Variants in AUTS2 observed in about 807,000 individuals in gnomAD.
AUTS2 encodes the protein autism susceptibility gene 2 protein.
Under a neutral mutation model 112.4 loss-of-function variants are expected in AUTS2, and 17 were observed. The observed-to-expected ratio is 0.15, with a 90% CI of 0.10 to 0.23. The LOEUF (loss-of-function observed/expected upper bound fraction) is 0.23. Ranked by LOEUF, AUTS2 falls within the 10% of genes least tolerant of loss-of-function variation. AUTS2 has a pLI of 1.00. For synonymous variants in AUTS2, 751 were observed against 702.7 expected (o/e 1.07, Z -1.09); for missense variants, 1,510 against 1,701.6 (o/e 0.89, Z 1.98).
At position 70,746,373 on chromosome 7, in the gene AUTS2, G is replaced by A. The variant is rs141394019; in HGVS notation, c.743-16497G>A. ...GTTGGTCAGACTGATCTCGAACTCC[G>A]GACCTCAGGTGATCCGCCCACCTCG... On this transcript the variant is annotated intron_variant, in intron 6 of 18. Transcript: ENST00000342771. Among the ~76,000 whole-genome samples the A allele has an allele frequency of 9.3e-3, 1,417 of 152,154 alleles. 63 individuals carry two copies. The East Asian group carries it at 0.13, about 14-fold the overall frequency.
At chr7:70,742,287 T>C (rs1341941941) in intron 6 of AUTS2, among the ~76,000 whole-genome samples, 1 of 152,106 alleles carries the variant, frequency 6.6e-6, no homozygotes, top group Admixed American at 6.5e-5. Context: ...TTTTCCAAAG[T>C]CTCCCCCCGC....
At chr7:70,366,247 A>G (rs1733159042) in intron 4 of AUTS2, among the ~76,000 whole-genome samples, 1 of 152,190 alleles carries the variant, frequency 6.6e-6, no homozygotes, top group Non-Finnish European at 1.5e-5. Context: ...CAGATCCATA[A>G]GCAAATAACA....
intron 3 of AUTS2, among the ~76,000 whole-genome samples, chr7:70,129,474 C>G (rs906638011): frequency 2.0e-5 from 3 of 152,202 alleles, no homozygotes; most frequent in Admixed American, 6.5e-5. Context: ...GACCAAATAT[C>G]TGGGCACCCC....
At chr7:70,649,629 A>G (rs1437006844) in intron 5 of AUTS2, among the ~76,000 whole-genome samples, 2 of 151,954 alleles carry the variant, frequency 1.3e-5, no homozygotes, top group Non-Finnish European at 2.9e-5. Flanking sequence ...CCTGGGTTCA[A>G]ACGATTTTCT....
chr7:70,120,993 A>G (rs909555574), intron 3 of AUTS2, among the ~76,000 whole-genome samples: 1 of 152,202 alleles, frequency 6.6e-6, no homozygotes, highest in Non-Finnish European at 1.5e-5. Context: ...CTGGCCTAAT[A>G]TTAGACATAC....
chr7:70,741,736 A>G (rs74364219), intron 6 of AUTS2, among the ~76,000 whole-genome samples: 1,730 of 152,164 alleles, frequency 0.011, 25 homozygotes, highest in African/African-American at 0.039. Context: ...TACAATAAAT[A>G]TGGCATCTAC....
In AUTS2 at chr7:70,766,574, T is replaced by C. The variant is rs934511799; in HGVS notation, c.1689+240T>C. 6.6e-6 allele frequency among the ~76,000 whole-genome samples: 1 copy of C among 152,228 alleles called. No homozygotes were observed. Among genetic ancestry groups the C allele is most frequent in the Non-Finnish European group, 1.5e-5 (1 of 68,034 alleles). On this transcript the variant is annotated intron_variant, in intron 9 of 18. Coordinates refer to ENST00000342771, the MANE Select transcript of AUTS2 (RefSeq NM_015570.4). The surrounding 1 kb of genome is among the most constrained non-coding windows in gnomAD (Gnocchi z 4.8). ...AGCACTGCGGGCGGAAATGATTCCA[T>C]CTGCCCTCAAAACAGTCATGTCCAG...
chr7:69,863,012 C>T (rs1044763443), intron 1 of AUTS2, among the ~76,000 whole-genome samples: 1 of 152,076 alleles, frequency 6.6e-6, no homozygotes, highest in Non-Finnish European at 1.5e-5. Context: ...AGAGACTACC[C>T]CATCATACCA....
At chr7:69,771,855 G>C (rs1788678435) in intron 1 of AUTS2, among the ~76,000 whole-genome samples, 1 of 151,550 alleles carries the variant, frequency 6.6e-6, no homozygotes, top group Admixed American at 6.6e-5. Context: ...CGCGATCTCG[G>C]CTCACTGCAA....
At chr7:70,294,730 T>C (rs1236061163) in intron 4 of AUTS2, among the ~76,000 whole-genome samples, 3 of 152,300 alleles carry the variant, frequency 2.0e-5, no homozygotes, top group African/African-American at 7.2e-5. Context: ...GTGGTGATAA[T>C]AGACAAGGCC....
intron 1 of AUTS2, among the ~76,000 whole-genome samples, chr7:69,844,692 C>G (rs1031813889): frequency 1.3e-4 from 20 of 152,022 alleles, no homozygotes; most frequent in African/African-American, 4.3e-4. Flanking sequence ...CAAGCTGCAC[C>G]CCTGGGACCT....
Position 70,485,896 on chromosome 7 carries a change from G to A in AUTS2, c.690+50115G>A, listed in dbSNP as rs575822125. ...CTCCAGGAAGGAGACCTGAAGAGAC[G>A]TATTCTGAGAAGCCTGAATTCGACT... On this transcript the variant is annotated intron_variant, in intron 5 of 18. Coordinates refer to ENST00000342771, the MANE Select transcript of AUTS2 (RefSeq NM_015570.4). Among the ~76,000 whole-genome samples the A allele has an allele frequency of 2.6e-4, 40 of 152,100 alleles. No individual in the cohort carries two copies. In the Middle Eastern group the frequency reaches 0.01, roughly 39 times the overall value.
At chr7:69,728,878 G>A (rs530818769) in intron 1 of AUTS2, among the ~76,000 whole-genome samples, 1 of 152,062 alleles carries the variant, frequency 6.6e-6, no homozygotes, top group Non-Finnish European at 1.5e-5. Flanking sequence ...AAAATAGCCA[G>A]TGTCTACCTG....
At chr7:70,450,941 C>T (rs141430526) in intron 5 of AUTS2, among the ~76,000 whole-genome samples, 29 of 151,994 alleles carry the variant, frequency 1.9e-4, no homozygotes, top group African/African-American at 6.3e-4. Flanking sequence ...AATCACACAG[C>T]GAAAGTGGGG....
chr7:70,000,439 C>G (rs904491168), intron 2 of AUTS2, among the ~76,000 whole-genome samples: 4 of 152,120 alleles, frequency 2.6e-5, no homozygotes, highest in Non-Finnish European at 4.4e-5. Context: ...TACAGTTGTA[C>G]AAATTAAATT....
At chr7:69,842,520 C>T (rs1482620873) in intron 1 of AUTS2, among the ~76,000 whole-genome samples, 2 of 152,176 alleles carry the variant, frequency 1.3e-5, no homozygotes, top group Non-Finnish European at 2.9e-5. Flanking sequence ...ATTTTGATCA[C>T]AGAAGTGTGT....
At chr7:69,889,996 A>G (rs552364132) in intron 1 of AUTS2, among the ~76,000 whole-genome samples, 8 of 152,186 alleles carry the variant, frequency 5.3e-5, no homozygotes, top group African/African-American at 1.9e-4. Flanking sequence ...CTCAGCTTTC[A>G]GAATGTTGTT....
At chr7:70,705,531 G>A (rs766448383) in intron 6 of AUTS2, among the ~76,000 whole-genome samples, 1 of 152,160 alleles carries the variant, frequency 6.6e-6, no homozygotes, top group Non-Finnish European at 1.5e-5. Context: ...CTTTTAAAAA[G>A]TAGAAACAGC....
intron 14 of AUTS2, among the ~76,000 whole-genome samples, chr7:70,779,892 T>C (rs766557011): frequency 6.6e-6 from 1 of 151,972 alleles, no homozygotes; most frequent in Non-Finnish European, 1.5e-5. Flanking sequence ...GAAAAAACAT[T>C]AGCTGGGCAT....
Sources: gnomAD v4.1 joint callset for allele counts (sites outside exome capture counted in the v4.1 genomes callset) on GRCh38, gnomAD v4.1.1 for gene constraint, Gnocchi (gnomAD v3.1) non-coding constraint, MANE v1.5 for transcripts, NCBI Gene and HGNC (gene_info 2026-07-23, HGNC 2026-07-21) for gene names.